KALRN: variants seen among roughly 807,000 people sequenced by gnomAD.
KALRN encodes kalirin.
In KALRN, 70 loss-of-function variants were observed where a neutral mutation model predicts 353.7. That is an observed-to-expected ratio of 0.20 (90% CI 0.16 to 0.24). The LOEUF is 0.24. Ranked by LOEUF, KALRN falls within the 10% of genes least tolerant of loss-of-function variation. The pLI is 1.00. For synonymous variants in KALRN, 1,391 were observed against 1,434.8 expected, an observed-to-expected ratio of 0.97 and a Z score of 0.69; for missense variants, 2,791 against 3,756.7, an observed-to-expected ratio of 0.74 and a Z score of 6.72.
intron 10 of KALRN, among the ~76,000 whole-genome samples, chr3:124,360,414 G>A (rs1305075566): frequency 3.9e-5 from 6 of 152,152 alleles, no homozygotes; most frequent in Non-Finnish European, 5.9e-5. Flanking sequence ...GAAGTAGAGA[G>A]ACACTATGAG....
chr3:124,310,524 A>T (rs1454666686), intron 6 of KALRN, among the ~76,000 whole-genome samples: 1 of 152,228 alleles, frequency 6.6e-6, no homozygotes, highest in South Asian at 2.1e-4. Context: ...AATACAAAGC[A>T]AAAGTAATTA....
intron 33 of KALRN, among the ~76,000 whole-genome samples, chr3:124,530,650 C>T (rs1024778402): frequency 3.3e-5 from 5 of 152,012 alleles, no homozygotes; most frequent in Middle Eastern, 3.2e-3. Context: ...TCCCAAAGTG[C>T]GAGGATTACA....
intron 1 of KALRN, among the ~76,000 whole-genome samples, chr3:124,161,140 C>G (rs1171578511): frequency 6.6e-6 from 1 of 152,192 alleles, no homozygotes; most frequent in African/African-American, 2.4e-5. Flanking sequence ...TATATGCTAT[C>G]TATTTTACCA....
intron 10 of KALRN, among the ~76,000 whole-genome samples, chr3:124,376,995 T>A (rs78513010): frequency 0.014 from 2,087 of 151,982 alleles, 44 homozygotes; most frequent in African/African-American, 0.048. Context: ...CAAGAATGAA[T>A]GTAATTCAAA....
At chr3:124,425,695 T>C (rs2092982184) in intron 15 of KALRN, among the ~76,000 whole-genome samples, 1 of 152,198 alleles carries the variant, frequency 6.6e-6, no homozygotes, top group South Asian at 2.1e-4. Context: ...TGGGTTTTAA[T>C]TTATTTTTCT....
chr3:124,491,618 T>C, intron 31 of KALRN, 194 bp downstream of exon 31: 1 of 439,086 alleles, frequency 2.3e-6, no homozygotes. Context: ...AGACGCATGG[T>C]CTCCTCAAGT....
intron 33 of KALRN, among the ~76,000 whole-genome samples, chr3:124,538,405 T>A (rs950253815): frequency 6.6e-6 from 1 of 152,166 alleles, no homozygotes; most frequent in Non-Finnish European, 1.5e-5. Context: ...GTGATAGTTG[T>A]TGGTCAGAGG....
At chr3:124,278,190 A>G (rs1380949688) in intron 5 of KALRN, among the ~76,000 whole-genome samples, 1 of 150,992 alleles carries the variant, frequency 6.6e-6, no homozygotes, top group Non-Finnish European at 1.5e-5. Context: ...CAGAGTTAGC[A>G]CTAATGTAAT....
chr3:124,116,361 G>A (rs557246173), intron 1 of KALRN, among the ~76,000 whole-genome samples: 8 of 152,220 alleles, frequency 5.3e-5, no homozygotes, highest in African/African-American at 1.9e-4. Context: ...TATTGATTAA[G>A]TACTTCCTAT....
chr3:124,713,983 T>C (rs763158310), intron 58 of KALRN, among the ~76,000 whole-genome samples: 10 of 152,062 alleles, frequency 6.6e-5, no homozygotes, highest in Non-Finnish European at 1.5e-4. Context: ...GTGTACGGGA[T>C]GTTTGAGTCA....
chr3:124,116,576 A>G (rs1471130129), intron 1 of KALRN, among the ~76,000 whole-genome samples: 1 of 152,166 alleles, frequency 6.6e-6, no homozygotes, highest in Non-Finnish European at 1.5e-5. Context: ...AGAAATGATG[A>G]TGAGAATATA....
intron 3 of KALRN, among the ~76,000 whole-genome samples, chr3:124,241,161 A>C (rs9835111): frequency 0.66 from 100,935 of 151,972 alleles, 33,702 homozygotes; most frequent in East Asian, 0.79. Context: ...TACTTCCCCC[A>C]AAAATAACAC....
At chr3:124,292,042 A>G (rs147968511) in intron 5 of KALRN, among the ~76,000 whole-genome samples, 4 of 152,300 alleles carry the variant, frequency 2.6e-5, no homozygotes, top group Admixed American at 2.0e-4. Flanking sequence ...ACATTCTTTC[A>G]GTAAGGAATT....
intron 6 of KALRN, among the ~76,000 whole-genome samples, chr3:124,306,255 G>A (rs1056878993): frequency 1.6e-4 from 24 of 151,508 alleles, no homozygotes; most frequent in African/African-American, 5.8e-4. Flanking sequence ...TTCATTTTTT[G>A]TAAATATGGG....
chr3:124,222,308 A>C (rs1172549175), intron 1 of KALRN, among the ~76,000 whole-genome samples: 1 of 152,204 alleles, frequency 6.6e-6, no homozygotes, highest in African/African-American at 2.4e-5. Flanking sequence ...GGGGGAATTT[A>C]TCTACCTCCC....
intron 33 of KALRN, among the ~76,000 whole-genome samples, chr3:124,516,146 A>G (rs980276561): frequency 1.3e-5 from 2 of 152,246 alleles, no homozygotes; most frequent in Admixed American, 6.5e-5. Context: ...GTCCTCAGGG[A>G]CAGGATAGAT....
chr3:124,052,494 C>A (rs758287444), intron 1 of KALRN, among the ~76,000 whole-genome samples: 3 of 152,112 alleles, frequency 2.0e-5, no homozygotes, highest in Non-Finnish European at 2.9e-5. Flanking sequence ...TTGAACCTTT[C>A]TTCTCTTGCA....
intron 38 of KALRN, among the ~76,000 whole-genome samples, chr3:124,654,208 C>T (rs1311577832): frequency 6.6e-6 from 1 of 152,284 alleles, no homozygotes; most frequent in South Asian, 2.1e-4. Context: ...TTTCATTTGG[C>T]CTTGCCAGTT....
intron 34 of KALRN, among the ~76,000 whole-genome samples, chr3:124,563,483 T>C (rs1331087505): frequency 6.6e-6 from 1 of 152,136 alleles, no homozygotes; most frequent in Non-Finnish European, 1.5e-5. Context: ...AACTTCTGGC[T>C]CTCTGACCCC....
Sources: allele counts gnomAD v4.1 joint callset (sites outside exome capture counted in the v4.1 genomes callset), GRCh38; gene constraint gnomAD v4.1.1; transcripts MANE v1.5; gene names NCBI Gene and HGNC (gene_info 2026-07-23, HGNC 2026-07-21).